The following SLC16A10 variants were observed in gnomAD, a reference collection of about 807,000 sequenced individuals.
The protein encoded by SLC16A10 is solute carrier family 16 member 10, also known as monocarboxylate transporter 10.
A neutral mutation model predicts 40.0 loss-of-function variants in SLC16A10; 27 were observed. That is an observed-to-expected ratio of 0.67 (90% CI 0.50 to 0.93). The LOEUF is 0.93. Ranked by LOEUF, SLC16A10 falls within the 40% of genes least tolerant of loss-of-function variation. The probability of loss-of-function intolerance (pLI) is 0.00; values close to 1 mark genes in which losing one functional copy is unlikely to be tolerated. For missense variants in SLC16A10, 529 were observed against 658.2 expected, an observed-to-expected ratio of 0.80 and a Z score of 2.15; for synonymous variants, 213 against 249.8, an observed-to-expected ratio of 0.85 and a Z score of 1.39.
chr6:111,157,560 G>T (rs1179150728), intron 1 of SLC16A10, among the ~76,000 whole-genome samples: 4 of 152,160 alleles, frequency 2.6e-5, no homozygotes, highest in Non-Finnish European at 5.9e-5. Flanking sequence ...GGGATTACAG[G>T]CATGAGCCAC....
intron 1 of SLC16A10, among the ~76,000 whole-genome samples, chr6:111,134,252 A>C (rs549980725): frequency 6.6e-6 from 1 of 152,214 alleles, no homozygotes; most frequent in African/African-American, 2.4e-5. Context: ...AAGGAAAACT[A>C]GGAAGAAGCC....
chr6:111,171,715 T>C (rs779685586), intron 1 of SLC16A10, among the ~76,000 whole-genome samples: 3 of 150,548 alleles, frequency 2.0e-5, no homozygotes, highest in Admixed American at 1.3e-4. Context: ...ACTTGGAAGA[T>C]TGAGGTGGGA....
chr6:111,213,687 T>G (rs993702024), intron 4 of SLC16A10, among the ~76,000 whole-genome samples: 2 of 152,220 alleles, frequency 1.3e-5, no homozygotes, highest in Admixed American at 6.5e-5. Flanking sequence ...AAATGCATGT[T>G]TCTCCATCAG....
chr6:111,134,418 A>G (rs951326246), intron 1 of SLC16A10, among the ~76,000 whole-genome samples: 4 of 152,178 alleles, frequency 2.6e-5, no homozygotes, highest in African/African-American at 9.7e-5. Context: ...TTTATCACTC[A>G]GTCAGCTGCA....
chr6:111,106,453 G>A (rs963321013), intron 1 of SLC16A10, among the ~76,000 whole-genome samples: 8 of 152,220 alleles, frequency 5.3e-5, no homozygotes, highest in Non-Finnish European at 8.8e-5. Flanking sequence ...TCTGGTAAAA[G>A]TAATGCTTAA....
intron 1 of SLC16A10, among the ~76,000 whole-genome samples, chr6:111,144,590 T>C (rs544301731): frequency 5.1e-4 from 78 of 152,358 alleles, no homozygotes; most frequent in African/African-American, 1.8e-3. Flanking sequence ...TGTATAAATG[T>C]CTAGAAAATG....
At chr6:111,152,680 T>C (rs1479330350) in intron 1 of SLC16A10, among the ~76,000 whole-genome samples, 1 of 152,228 alleles carries the variant, frequency 6.6e-6, no homozygotes, top group Non-Finnish European at 1.5e-5. Flanking sequence ...TAAGTACTTT[T>C]CTCTGGCTTT....
chr6:111,107,590 A>AC (rs1251151445), intron 1 of SLC16A10, among the ~76,000 whole-genome samples: 1 of 152,240 alleles, frequency 6.6e-6, no homozygotes, highest in Non-Finnish European at 1.5e-5. Flanking sequence ...AGGGAACTTT[A>AC]CATGAAATTT....
rs1771065052 is a variant in SLC16A10, at chr6:111,229,308, G to C, written c.*7073G>C. 1 of 152,070 alleles carries C rather than the reference G, an allele frequency of 6.6e-6. No individual in the cohort carries two copies. The highest frequency in any genetic ancestry group is 2.1e-4 in the South Asian group (1 of 4,818). The allele number at this position is 152,070 out of a possible 1,614,324, so 9.4% of individuals were successfully genotyped here. On this transcript the variant is annotated 3_prime_UTR_variant, in exon 6 of 6. Transcript: ENST00000368851. The stretch of plus-strand genomic sequence containing the variant: ...TATTGAGTTCCAGTATCTAGTTAGA[G>C]GTATGCAATTTTTGTTAACATATAA...
intron 1 of SLC16A10, among the ~76,000 whole-genome samples, chr6:111,125,606 T>A (rs1771661862): frequency 6.6e-6 from 1 of 152,200 alleles, no homozygotes; most frequent in Non-Finnish European, 1.5e-5. Flanking sequence ...TTTTTTGGAT[T>A]TTTCTGTGGT....
chr6:111,174,963 C>T (rs1382654141), intron 2 of SLC16A10, among the ~76,000 whole-genome samples: 1 of 152,176 alleles, frequency 6.6e-6, no homozygotes, highest in Non-Finnish European at 1.5e-5. Flanking sequence ...AATTCCCTTA[C>T]TACATGTAAT....
intron 1 of SLC16A10, among the ~76,000 whole-genome samples, chr6:111,114,129 C>G (rs1771442061): frequency 6.6e-6 from 1 of 151,744 alleles, no homozygotes; most frequent in South Asian, 2.1e-4. Flanking sequence ...TATACCTTTT[C>G]TTTGTTTAAG....
Position 111,222,896 on chromosome 6 carries a change from T to C in SLC16A10, c.*661T>C, listed in dbSNP as rs994679401. On this transcript the variant is annotated 3_prime_UTR_variant, in exon 6 of 6. Transcript: ENST00000368851. ...AGGATCCTGAGCTGTTCAGAAATCA[T>C]TTAAGTTTACAGCGTTGTTCCCTTT... The C allele has an allele frequency of 1.3e-5, 2 of 152,256 alleles. No individual in the cohort carries two copies. The highest frequency in any genetic ancestry group is 3.8e-4 in the East Asian group (2 of 5,200). 9.4% of individuals were successfully genotyped at this position (152,256 alleles called of 1,614,324 possible).
chr6:111,100,992 C>CTCTCTA (rs1410556945), intron 1 of SLC16A10, among the ~76,000 whole-genome samples: 111 of 66,404 alleles, frequency 1.7e-3, no homozygotes, highest in African/African-American at 6.6e-3. Context: ...CTCTCTCTCT[C>CTCTCTA]TATATATATA....
intron 3 of SLC16A10, among the ~76,000 whole-genome samples, chr6:111,192,812 G>A (rs1773017974): frequency 6.6e-6 from 1 of 152,046 alleles, no homozygotes; most frequent in Non-Finnish European, 1.5e-5. Flanking sequence ...GATCTCATGA[G>A]ACTTATTCAC....
rs1385662281 is a variant in SLC16A10, at chr6:111,087,700, G to GGTAAC, written c.-52_-48dup. Reference sequence around the variant, plus strand: ...CCCGCAGCTCCTCCGGGAGCCCGCTGGTAACTCGCGTCCCTCGCGCTTCTC... The same window carrying GGTAAC: ...CCCGCAGCTCCTCCGGGAGCCCGCTGGTAACGTAACTCGCGTCCCTCGCGCTTCTC... On this transcript the variant is annotated 5_prime_UTR_variant, in exon 1 of 6. Transcript: ENST00000368851. 2.5e-5 allele frequency: 26 copies of GGTAAC among 1,048,068 alleles called. No individual in the cohort carries two copies. The East Asian group carries it at 9.3e-4, about 38-fold the overall frequency. The allele number at this position is 1,048,068 out of a possible 1,614,324, so 64.9% of individuals were successfully genotyped here. A position where few individuals can be genotyped will look rare whatever the true frequency, so the allele number is the denominator to read the frequency against.
rs1231233374 is a variant in SLC16A10 at position 111,229,986 on chromosome 6, G to GTTTCTTT, written c.*7755_*7761dup. The GTTTCTTT allele has an allele frequency of 8.5e-5, 2 of 23,634 alleles. No homozygotes were observed. The highest frequency in any genetic ancestry group is 1.7e-4 in the African/African-American group (1 of 5,736). 1.5% of individuals were successfully genotyped at this position (23,634 alleles called of 1,614,324 possible). On this transcript the variant is annotated 3_prime_UTR_variant, in exon 6 of 6. Transcript: ENST00000368851. The stretch of plus-strand genomic sequence containing the variant: ...ATGACAGGTTTCTTTTTCTTTCTTT[G>GTTTCTTT]TTTCTTTTTTTTTTTTTTTTTTGAG...
intron 4 of SLC16A10, among the ~76,000 whole-genome samples, chr6:111,212,137 G>A (rs1045432772): frequency 3.9e-5 from 6 of 152,018 alleles, no homozygotes; most frequent in Non-Finnish European, 7.4e-5. Context: ...GGAGGCTGCC[G>A]AGCCCAAGAG....
intron 1 of SLC16A10, among the ~76,000 whole-genome samples, chr6:111,113,140 C>T (rs758507184): frequency 2.0e-5 from 3 of 152,008 alleles, no homozygotes; most frequent in Non-Finnish European, 2.9e-5. Context: ...TTTAGGAATT[C>T]TACTTAGTTC....
Sources: gnomAD v4.1 joint callset for allele counts (sites outside exome capture counted in the v4.1 genomes callset) on GRCh38, gnomAD v4.1.1 for gene constraint, MANE v1.5 for transcripts, NCBI Gene and HGNC (gene_info 2026-07-23, HGNC 2026-07-21) for gene names.